GRID1: variants seen among roughly 807,000 people sequenced by gnomAD.
The protein encoded by GRID1 is glutamate receptor ionotropic, delta-1.
A neutral mutation model predicts 98.0 loss-of-function variants in GRID1; 28 were observed. The observed-to-expected ratio is 0.29, with a 90% CI of 0.21 to 0.39. GRID1 has a LOEUF of 0.39. GRID1 is among the 10% of genes least tolerant of loss of function. The pLI is 1.00. For missense variants in GRID1, 1,111 were observed against 1,340.5 expected, an observed-to-expected ratio of 0.83 and a Z score of 2.67; for synonymous variants, 553 against 538.5, an observed-to-expected ratio of 1.03 and a Z score of -0.37.
At chr10:86,217,079 C>T (rs182498388) in intron 2 of GRID1, among the ~76,000 whole-genome samples, 21 of 152,270 alleles carry the variant, frequency 1.4e-4, no homozygotes, top group South Asian at 4.1e-4. Flanking sequence ...ATCACTGAAC[C>T]GCATGGCCTC....
At chr10:86,102,528 G>A (rs1185218438) in intron 4 of GRID1, among the ~76,000 whole-genome samples, 1 of 152,340 alleles carries the variant, frequency 6.6e-6, no homozygotes, top group East Asian at 1.9e-4. Context: ...TGGTGTTCCA[G>A]AGCCCTGCCC....
intron 12 of GRID1, among the ~76,000 whole-genome samples, chr10:85,655,748 T>C (rs1840887880): frequency 1.3e-5 from 2 of 152,198 alleles, no homozygotes; most frequent in Non-Finnish European, 2.9e-5. Flanking sequence ...TTTGCTTTTC[T>C]AGAGAACTCC....
At chr10:85,858,733 C>A (rs1411086559) in intron 6 of GRID1, among the ~76,000 whole-genome samples, 3 of 152,294 alleles carry the variant, frequency 2.0e-5, no homozygotes, top group African/African-American at 4.8e-5. Flanking sequence ...CAGCCACCAA[C>A]TGATAGCTGA....
intron 1 of GRID1, 132 bp from the exon 2 acceptor site, chr10:86,364,228 G>A (rs1848644371): frequency 4.3e-6 from 3 of 704,028 alleles, no homozygotes; most frequent in Non-Finnish European, 7.2e-6. Flanking sequence ...ATTTCAGCTT[G>A]GCGGGGTAGA....
At chr10:85,926,052 T>C (rs932189934) in intron 4 of GRID1, among the ~76,000 whole-genome samples, 1 of 152,210 alleles carries the variant, frequency 6.6e-6, no homozygotes. Flanking sequence ...GAGAATGGAA[T>C]AGAAAGAAAA....
intron 2 of GRID1, among the ~76,000 whole-genome samples, chr10:86,207,779 G>A (rs896637553): frequency 6.6e-5 from 10 of 151,866 alleles, no homozygotes; most frequent in Admixed American, 3.3e-4. Flanking sequence ...CTACAGGCAC[G>A]CGCCACCATG....
At chr10:85,864,843 A>G (rs1279919513) in intron 6 of GRID1, among the ~76,000 whole-genome samples, 2 of 152,196 alleles carry the variant, frequency 1.3e-5, no homozygotes, top group Non-Finnish European at 2.9e-5. Context: ...TTATGGTAAT[A>G]CCACATTAGC....
intron 8 of GRID1, among the ~76,000 whole-genome samples, chr10:85,804,523 G>A (rs1460244207): frequency 6.6e-6 from 1 of 151,554 alleles, no homozygotes; most frequent in Non-Finnish European, 1.5e-5. Flanking sequence ...TATGACCAAT[G>A]TTATACTCAT....
intron 5 of GRID1, among the ~76,000 whole-genome samples, chr10:85,891,061 A>C (rs1473565779): frequency 6.6e-6 from 1 of 152,164 alleles, no homozygotes; most frequent in Non-Finnish European, 1.5e-5. Context: ...GTTGCAAACC[A>C]CTTTAATTAT....
At chr10:85,971,864 C>T (rs1045056262) in intron 4 of GRID1, among the ~76,000 whole-genome samples, 2 of 152,106 alleles carry the variant, frequency 1.3e-5, no homozygotes. Flanking sequence ...TAAGTGGGTG[C>T]ATATGCCCAC....
intron 4 of GRID1, among the ~76,000 whole-genome samples, chr10:86,074,809 AC>A (rs1843857780): frequency 6.6e-6 from 1 of 152,252 alleles, no homozygotes; most frequent in Admixed American, 6.5e-5. Context: ...ATGGTGCAGG[AC>A]AGGGCTCCAT....
chr10:86,059,131 C>T (rs977403929), intron 4 of GRID1, among the ~76,000 whole-genome samples: 1 of 152,104 alleles, frequency 6.6e-6, no homozygotes, highest in African/African-American at 2.4e-5. Flanking sequence ...CAAAGCGGAC[C>T]CATGGAGGAT....
chr10:86,074,805 C>T (rs1464162949), intron 4 of GRID1, among the ~76,000 whole-genome samples: 2 of 152,208 alleles, frequency 1.3e-5, no homozygotes, highest in Non-Finnish European at 2.9e-5. Context: ...AGAGATGGTG[C>T]AGGACAGGGC....
chr10:85,881,305 C>T (rs140436459), intron 5 of GRID1, among the ~76,000 whole-genome samples: 1,831 of 152,190 alleles, frequency 0.012, 34 homozygotes, highest in African/African-American at 0.041. Context: ...AAAAAGAGCC[C>T]ACATCACCAA....
chr10:85,696,657 T>C (rs919646120), intron 12 of GRID1, among the ~76,000 whole-genome samples: 1 of 152,068 alleles, frequency 6.6e-6, no homozygotes, highest in Non-Finnish European at 1.5e-5. Context: ...TTATTATATA[T>C]ATTCTAATTT....
chr10:85,826,566 T>C (rs1842822291), intron 8 of GRID1, among the ~76,000 whole-genome samples: 1 of 152,104 alleles, frequency 6.6e-6, no homozygotes, highest in African/African-American at 2.4e-5. Flanking sequence ...ACTCCATTTG[T>C]GCCAGTGCCC....
chr10:86,101,412 C>T (rs1844294101), intron 4 of GRID1, among the ~76,000 whole-genome samples: 3 of 152,138 alleles, frequency 2.0e-5, no homozygotes, highest in African/African-American at 7.2e-5. Context: ...CACAGCAATT[C>T]CTTATGGCTC....
chr10:86,079,455 C>T (rs1307049256), intron 4 of GRID1, among the ~76,000 whole-genome samples: 3 of 152,036 alleles, frequency 2.0e-5, no homozygotes, highest in African/African-American at 7.2e-5. Flanking sequence ...AGGGCTTAGC[C>T]AAATCAAGGG....
chr10:86,000,660 A>G (rs1249805972), intron 4 of GRID1, among the ~76,000 whole-genome samples: 2 of 152,348 alleles, frequency 1.3e-5, no homozygotes, highest in East Asian at 3.9e-4. Flanking sequence ...TGCAAAAGCA[A>G]TTCAATGGAG....
Sources: gnomAD v4.1 joint callset for allele counts (sites outside exome capture counted in the v4.1 genomes callset) on GRCh38, gnomAD v4.1.1 for gene constraint, MANE v1.5 for transcripts, NCBI Gene and HGNC (gene_info 2026-07-23, HGNC 2026-07-21) for gene names.